The following EDN1 variants were observed in gnomAD, a reference collection of about 807,000 sequenced individuals.
The protein encoded by EDN1 is endothelin 1.
Under a neutral mutation model 21.7 loss-of-function variants are expected in EDN1, and 11 were observed. The ratio of observed to expected loss-of-function variants is 0.51; its 90% CI spans 0.32 to 0.84. The LOEUF (loss-of-function observed/expected upper bound fraction) is 0.84. Ranked by LOEUF, EDN1 falls within the 40% of genes least tolerant of loss-of-function variation. EDN1 has a pLI of 0.03. For missense variants in EDN1, 244 were observed against 262.3 expected, an observed-to-expected ratio of 0.93 and a Z score of 0.48; for synonymous variants, 85 against 90.6, an observed-to-expected ratio of 0.94 and a Z score of 0.35.
At chr6:12,256,788 A>C in the EDN1 span, among the ~76,000 whole-genome samples, 1 of 152,242 alleles carries the variant, frequency 6.6e-6, no homozygotes, top group Non-Finnish European at 1.5e-5. Flanking sequence ...ATCTTTGTAG[A>C]ATTGTTTGCA....
At chr6:12,274,610 T>C in the EDN1 span, among the ~76,000 whole-genome samples, 2 of 152,262 alleles carry the variant, frequency 1.3e-5, no homozygotes, top group Admixed American at 1.3e-4. Context: ...TGGTCTGTAA[T>C]AGGCTCTCCA....
At chr6:12,240,154 A>G in the EDN1 span, among the ~76,000 whole-genome samples, 1 of 152,340 alleles carries the variant, frequency 6.6e-6, no homozygotes, top group African/African-American at 2.4e-5. Flanking sequence ...CTAGACTGCA[A>G]AAGCCTTTGA....
chr6:12,266,098 G>T, the EDN1 span, among the ~76,000 whole-genome samples: 1 of 152,206 alleles, frequency 6.6e-6, no homozygotes, highest in Admixed American at 6.5e-5. Context: ...ATGAGGCATA[G>T]AAGCTGGAAT....
the EDN1 span, among the ~76,000 whole-genome samples, chr6:12,240,759 T>C: frequency 6.6e-6 from 1 of 152,166 alleles, no homozygotes; most frequent in Admixed American, 6.5e-5. Context: ...TCAATATCTA[T>C]TATCCCTTAG....
the EDN1 span, among the ~76,000 whole-genome samples, chr6:12,249,231 G>T: frequency 6.6e-6 from 1 of 152,136 alleles, no homozygotes; most frequent in Non-Finnish European, 1.5e-5. Flanking sequence ...CTGTGTGTCA[G>T]ATGGAAAGAT....
the EDN1 span, among the ~76,000 whole-genome samples, chr6:12,253,942 C>T: frequency 1.3e-5 from 2 of 152,102 alleles, no homozygotes; most frequent in South Asian, 4.1e-4. Context: ...TGCTTTCTGA[C>T]ATTTTGCTCA....
the EDN1 span, among the ~76,000 whole-genome samples, chr6:12,257,535 G>C: frequency 1.2e-3 from 185 of 152,314 alleles, no homozygotes; most frequent in African/African-American, 4.3e-3. Flanking sequence ...AATATCTGTA[G>C]AATGGAAAAT....
the EDN1 span, among the ~76,000 whole-genome samples, chr6:12,270,491 T>TTCATTTCATTCATTTC: frequency 4.6e-5 from 7 of 152,114 alleles, no homozygotes; most frequent in Non-Finnish European, 7.4e-5. Flanking sequence ...TTTTCATTTG[T>TTCATTTCATTCATTTC]ATTAAATTAT....
the EDN1 span, among the ~76,000 whole-genome samples, chr6:12,241,020 G>A: frequency 1.3e-4 from 20 of 152,090 alleles, no homozygotes; most frequent in African/African-American, 4.3e-4. Context: ...ACATTCAGAT[G>A]AGTGTGCAAA....
At chr6:12,279,661 C>T in the EDN1 span, among the ~76,000 whole-genome samples, 23 of 152,320 alleles carry the variant, frequency 1.5e-4, no homozygotes, top group South Asian at 1.0e-3. Context: ...TGCCTCCTTG[C>T]ACATTCATTT....
At chr6:12,273,557 G>T in the EDN1 span, among the ~76,000 whole-genome samples, 5 of 147,622 alleles carry the variant, frequency 3.4e-5, no homozygotes, top group Non-Finnish European at 5.9e-5. Context: ...CTTTTAAAAG[G>T]ATATATTTAA....
At chr6:12,283,857 TC>T in the EDN1 span, among the ~76,000 whole-genome samples, 1 of 152,334 alleles carries the variant, frequency 6.6e-6, no homozygotes, top group East Asian at 1.9e-4. Context: ...CCATGTGCTG[TC>T]CTTTGCCACA....
the EDN1 span, among the ~76,000 whole-genome samples, chr6:12,264,833 C>A: frequency 6.6e-6 from 1 of 152,052 alleles, no homozygotes; most frequent in Non-Finnish European, 1.5e-5. Context: ...ATGAAGAAAG[C>A]AAAAGATGAC....
chr6:12,296,116 T>C lies in EDN1; in HGVS notation c.*49T>C. The C allele has an allele frequency of 6.6e-7, 1 of 1,521,938 alleles. No homozygotes were observed. Among genetic ancestry groups the C allele is most frequent in the Non-Finnish European group, 9.1e-7 (1 of 1,096,822 alleles). 94.3% of individuals were successfully genotyped at this position (1,521,938 alleles called of 1,614,324 possible). A position where few individuals can be genotyped will look rare whatever the true frequency, so the allele number is the denominator to read the frequency against. On this transcript the variant is annotated 3_prime_UTR_variant, in exon 5 of 5. Transcript: ENST00000379375. The stretch of plus-strand genomic sequence containing the variant: ...GCCATAGCCTCCACGGAGAGCCCTG[T>C]GGCCGACTCTGCACTCTCCACCCTG...
chr6:12,256,882 T>G, the EDN1 span, among the ~76,000 whole-genome samples: 1 of 152,224 alleles, frequency 6.6e-6, no homozygotes. Context: ...GCTGTGACTA[T>G]TTCAGGAGTA....
At chr6:12,252,789 T>C in the EDN1 span, among the ~76,000 whole-genome samples, 1 of 152,182 alleles carries the variant, frequency 6.6e-6, no homozygotes, top group Admixed American at 6.5e-5. Context: ...ATAAGCCACG[T>C]GCTCTGCAAG....
chr6:12,249,211 A>G, the EDN1 span, among the ~76,000 whole-genome samples: 89,436 of 151,908 alleles, frequency 0.59, 26,549 homozygotes, highest in South Asian at 0.76. Flanking sequence ...AGTAGCAAGG[A>G]TCTAGAATAC....
At position 12,290,403 on chromosome 6, in the gene EDN1, C is replaced by T. The variant is rs1762640747; in HGVS notation, c.-227C>T. On this transcript the variant is annotated 5_prime_UTR_variant, in exon 1 of 5. Coordinates refer to ENST00000379375, the MANE Select transcript of EDN1 (RefSeq NM_001955.5). ...TGCGCCAGGCGAACGGGTCCTGCGCCTCCTGCAGTCCCAGCTCTCCACCGC... is the reference window on the plus strand; with the variant it reads ...TGCGCCAGGCGAACGGGTCCTGCGCTTCCTGCAGTCCCAGCTCTCCACCGC... 4 of 578,310 alleles carry T rather than the reference C, an allele frequency of 6.9e-6. No individual in the cohort carries two copies. Among genetic ancestry groups the T allele is most frequent in the Non-Finnish European group, 1.2e-5 (4 of 325,286 alleles). 35.8% of individuals were successfully genotyped at this position (578,310 alleles called of 1,614,324 possible).
At chr6:12,239,190 G>A in the EDN1 span, among the ~76,000 whole-genome samples, 10 of 152,134 alleles carry the variant, frequency 6.6e-5, no homozygotes, top group Middle Eastern at 3.2e-3. Context: ...CTTGGAGAAT[G>A]TTGCCTCAAT....
Sources: allele counts gnomAD v4.1 joint callset (sites outside exome capture counted in the v4.1 genomes callset), GRCh38; gene constraint gnomAD v4.1.1; transcripts MANE v1.5; gene names NCBI Gene and HGNC (gene_info 2026-07-23, HGNC 2026-07-21).